Variants in ZFR observed in about 807,000 individuals in gnomAD.
The protein encoded by ZFR is zinc finger RNA binding protein.
ZFR carries 19 observed loss-of-function variants against 130.7 expected under a neutral mutation model. That is an observed-to-expected ratio of 0.15 (90% CI 0.10 to 0.21). The LOEUF (loss-of-function observed/expected upper bound fraction) is 0.21. Ranked by LOEUF, ZFR falls within the 10% of genes least tolerant of loss-of-function variation. ZFR has a pLI of 1.00. For synonymous variants in ZFR, 466 were observed against 456.9 expected (o/e 1.02, Z -0.25); for missense variants, 872 against 1,321.5 (o/e 0.66, Z 5.27).
At chr5:32,417,253 CATT>C (rs1258073946) in intron 4 of ZFR, among the ~76,000 whole-genome samples, 1 of 152,122 alleles carries the variant, frequency 6.6e-6, no homozygotes, top group Admixed American at 6.5e-5. Flanking sequence ...AACCAACTGT[CATT>C]AGCGATCAGA....
intron 10 of ZFR, among the ~76,000 whole-genome samples, chr5:32,396,086 G>A (rs1288274602): frequency 6.6e-6 from 1 of 152,022 alleles, no homozygotes; most frequent in African/African-American, 2.4e-5. Context: ...AGGCATGGTG[G>A]CACATGCCTG....
At chr5:32,407,231 T>C (rs921050640) in intron 5 of ZFR, among the ~76,000 whole-genome samples, 11 of 151,950 alleles carry the variant, frequency 7.2e-5, no homozygotes, top group African/African-American at 1.9e-4. Flanking sequence ...CCAGGTGTTA[T>C]AGAGGTATAA....
At chr5:32,417,866 G>A in intron 3 of ZFR, 74 bp from the exon 4 acceptor site, 2 of 1,433,556 alleles carry the variant, frequency 1.4e-6, no homozygotes, top group East Asian at 2.3e-5. Flanking sequence ...GTATAGAAGT[G>A]CAATAAAGGA....
intron 5 of ZFR, among the ~76,000 whole-genome samples, chr5:32,411,712 G>C (rs1299720981): frequency 1.1e-5 from 1 of 88,790 alleles, no homozygotes; most frequent in East Asian, 3.5e-4. Flanking sequence ...AAAATTGAGG[G>C]GGGGCGGGGA....
At chr5:32,358,249 T>C (rs1273250345) in intron 19 of ZFR, among the ~76,000 whole-genome samples, 1 of 151,812 alleles carries the variant, frequency 6.6e-6, no homozygotes, top group Non-Finnish European at 1.5e-5. Context: ...CCCAGCTACT[T>C]TGGAGGCTGA....
chr5:32,444,234 T>C lies in ZFR; in HGVS notation c.132A>G (p.Gln44=), dbSNP rs1206519865. ...SGAAAAAAAA[Q]YSQQPASGVA... ...AGAAGGCAGGATGCCGTTACCTATATTGGGCCGCAGCCGCCGCCGCCGCCG... is the reference window on the plus strand; with the variant it reads ...AGAAGGCAGGATGCCGTTACCTATACTGGGCCGCAGCCGCCGCCGCCGCCG... Residue 44 remains glutamine, a synonymous_variant, in exon 2 of 20, where the codon CAA becomes CAG. Transcript: ENST00000265069. The C allele has an allele frequency of 7.5e-6, 12 of 1,591,784 alleles. No homozygotes were observed. Among genetic ancestry groups the C allele is most frequent in the East Asian group, 2.3e-5 (1 of 43,640 alleles).
chr5:32,369,154 T>G (rs2111676343), intron 17 of ZFR, among the ~76,000 whole-genome samples: 1 of 152,334 alleles, frequency 6.6e-6, no homozygotes, highest in African/African-American at 2.4e-5. Flanking sequence ...ATAGATGATT[T>G]TTGTTAAGGG....
chr5:32,371,157 C>T (rs1321903297), intron 17 of ZFR, among the ~76,000 whole-genome samples: 1 of 152,080 alleles, frequency 6.6e-6, no homozygotes, highest in Non-Finnish European at 1.5e-5. Flanking sequence ...ATCGCTTGAG[C>T]CCAGGAGTTC....
chr5:32,433,573 T>C lies in ZFR; in HGVS notation c.137+10656A>G, dbSNP rs80033390. The stretch of plus-strand genomic sequence containing the variant: ...CAATCCATAAAAATTTTTTCTGAAA[T>C]GTCTGATGGCTCCTATTTTGTTAAA... On this transcript the variant is annotated intron_variant, in intron 2 of 19. Coordinates refer to ENST00000265069, the MANE Select transcript of ZFR (RefSeq NM_016107.5). 1.8e-4 allele frequency among the ~76,000 whole-genome samples: 27 copies of C among 152,336 alleles called. No homozygotes were observed. The East Asian group carries it at 5.2e-3, about 29-fold the overall frequency.
At chr5:32,407,146 G>A (rs1317380554) in intron 5 of ZFR, 125 bp from the exon 6 acceptor site, 10 of 862,792 alleles carry the variant, frequency 1.2e-5, no homozygotes, top group South Asian at 4.4e-5. Flanking sequence ...ATTTACAAAC[G>A]TATATCTCAC....
chr5:32,417,769 G>C lies in ZFR; in HGVS notation c.444C>G (p.Ser148=), dbSNP rs1242773501. 6.2e-7 allele frequency: 1 copy of C among 1,613,800 alleles called. No individual in the cohort carries two copies. The highest frequency in any genetic ancestry group is 1.1e-5 in the South Asian group (1 of 91,070). Residue 148 remains serine (S), a synonymous_variant, in exon 4 of 20, where the codon TCC becomes TCG. Transcript: ENST00000265069. ...TATCATAAGCTACAGCAGGAGCTGT[G>C]GACCTTACATATGAGTATGAATCCT... ...NYQDSYSYVR[S]TAPAVAYDSK...
chr5:32,368,950 C>T (rs553524058), intron 17 of ZFR, among the ~76,000 whole-genome samples: 1 of 135,152 alleles, frequency 7.4e-6, no homozygotes, highest in South Asian at 2.4e-4. Flanking sequence ...TGACATGGAT[C>T]ACTATTGACA....
At chr5:32,426,455 T>C (rs905331355) in intron 2 of ZFR, among the ~76,000 whole-genome samples, 12 of 151,518 alleles carry the variant, frequency 7.9e-5, no homozygotes, top group African/African-American at 2.9e-4. Flanking sequence ...TAATAAAAAC[T>C]ATGAAAAGCC....
At chr5:32,376,134 G>A (rs1752803164) in intron 17 of ZFR, among the ~76,000 whole-genome samples, 1 of 151,884 alleles carries the variant, frequency 6.6e-6, no homozygotes, top group African/African-American at 2.4e-5. Flanking sequence ...GAGCCACCAT[G>A]CCCAGTTTTA....
chr5:32,422,967 A>T (rs537832627), intron 2 of ZFR, among the ~76,000 whole-genome samples: 27 of 152,176 alleles, frequency 1.8e-4, no homozygotes, highest in African/African-American at 6.5e-4. Flanking sequence ...CTCCTTACCT[A>T]CTTATCAACA....
intron 3 of ZFR, 82 bp from the exon 4 acceptor site, chr5:32,417,874 G>A: frequency 3.7e-6 from 5 of 1,368,206 alleles, no homozygotes; most frequent in Non-Finnish European, 5.1e-6. Context: ...GTGCAATAAA[G>A]GAAAACAAAA....
intron 2 of ZFR, among the ~76,000 whole-genome samples, chr5:32,423,541 A>G (rs1220322815): frequency 6.6e-6 from 1 of 152,116 alleles, no homozygotes. Context: ...AAGAGAAGAT[A>G]AAGTTGAGAA....
chr5:32,415,528 G>GCGTGCGCA (rs1554073638), intron 4 of ZFR, among the ~76,000 whole-genome samples: 1 of 151,420 alleles, frequency 6.6e-6, no homozygotes, highest in East Asian at 1.9e-4. Context: ...GCGCGCGCGC[G>GCGTGCGCA]CGCGCACTAG....
At chr5:32,411,496 T>C (rs974794280) in intron 5 of ZFR, among the ~76,000 whole-genome samples, 30 of 151,828 alleles carry the variant, frequency 2.0e-4, no homozygotes, top group South Asian at 4.2e-4. Context: ...TCAGACCAGC[T>C]TGGCCACCAT....
Sources: gnomAD v4.1 joint callset for allele counts (sites outside exome capture counted in the v4.1 genomes callset) on GRCh38, gnomAD v4.1.1 for gene constraint, MANE v1.5 for transcripts, NCBI Gene and HGNC (gene_info 2026-07-23, HGNC 2026-07-21) for gene names.